The following PKHD1L1 variants were observed in gnomAD, a reference collection of about 807,000 sequenced individuals.
PKHD1L1 encodes the protein fibrocystin-L.
In PKHD1L1, 434 loss-of-function variants were observed where a neutral mutation model predicts 462.9. The observed-to-expected ratio is 0.94, with a 90% CI of 0.87 to 1.02. PKHD1L1 has a LOEUF of 1.02. Ranked by LOEUF, PKHD1L1 falls within the 50% of genes least tolerant of loss-of-function variation. PKHD1L1 has a pLI of 0.00. For missense variants in PKHD1L1, 5,202 were observed against 5,096.1 expected (o/e 1.02, Z -0.63); for synonymous variants, 1,781 against 1,750.0 (o/e 1.02, Z -0.44).
Position 109,427,135 on chromosome 8 carries a change from C to T in PKHD1L1, c.2979C>T (p.Cys993=), listed in dbSNP as rs192890547. The T allele has an allele frequency of 2.1e-4, 346 of 1,613,690 alleles. 1 individual carries two copies. The highest frequency in any genetic ancestry group is 1.5e-4 in the Non-Finnish European group (178 of 1,179,668). Residue 993 remains cysteine (C), a synonymous_variant, in exon 25 of 78, where the codon TGC becomes TGT. Coordinates refer to ENST00000378402, the MANE Select transcript of PKHD1L1 (RefSeq NM_177531.6). ...YAWNIKWRST[C]GKQNLLQIND... ...GGAACATCAAATGGAGAAGCACCTG[C>T]GGAAAGCAGAATCTTCTACAGGTTC...
rs182458132 is a variant in PKHD1L1, at chr8:109,374,921, G to T, written c.164-6449G>T. ...GTGGGTAACCCGATCTTTCTCTCTA[G>T]CTGCCCTTAACATTTTTTCCTTCAT... On this transcript the variant is annotated intron_variant, in intron 2 of 77. Transcript: ENST00000378402. Among the ~76,000 whole-genome samples, 968 of 152,270 alleles carry T rather than the reference G, an allele frequency of 6.4e-3. 7 individuals are homozygous for T. The highest frequency in any genetic ancestry group is 0.051 in the Middle Eastern group (15 of 294).
At chr8:109,433,299 G>T (rs1224706325) in intron 28 of PKHD1L1, 83 bp downstream of exon 28, 12 of 1,126,832 alleles carry the variant, frequency 1.1e-5, no homozygotes, top group African/African-American at 3.1e-5. Flanking sequence ...CAATTATCTT[G>T]ATCGTGTACA....
chr8:109,411,519 A>T (rs2130598564), intron 19 of PKHD1L1, among the ~76,000 whole-genome samples: 1 of 152,326 alleles, frequency 6.6e-6, no homozygotes, highest in South Asian at 2.1e-4. Context: ...TAGTACTAGC[A>T]GCCATGAGGA....
chr8:109,451,224 C>T (rs1279709679), intron 41 of PKHD1L1, 75 bp downstream of exon 41: 20 of 1,437,214 alleles, frequency 1.4e-5, no homozygotes, highest in South Asian at 8.5e-5. Flanking sequence ...CTCCTATGCC[C>T]GGACAGTGCA....
chr8:109,466,791 A>T, intron 50 of PKHD1L1, 22 bp downstream of exon 50: 1 of 1,566,328 alleles, frequency 6.4e-7, no homozygotes. Flanking sequence ...ATATTAGTTT[A>T]AACAACTAAT....
intron 2 of PKHD1L1, among the ~76,000 whole-genome samples, chr8:109,366,754 A>G (rs958870927): frequency 6.8e-6 from 1 of 146,120 alleles, no homozygotes; most frequent in Non-Finnish European, 1.5e-5. Context: ...GTGCAGTGGC[A>G]TGATCTTAGT....
chr8:109,362,738 GACC>G (rs1738776115), intron 1 of PKHD1L1, 85 bp downstream of exon 1: 2 of 1,437,570 alleles, frequency 1.4e-6, no homozygotes, highest in East Asian at 5.0e-5. Flanking sequence ...GGAGAGGCAG[GACC>G]ACCTGGCACC....
chr8:109,498,721 A>G lies in PKHD1L1; in HGVS notation c.10778A>G (p.His3593Arg). Residue 3593 changes from histidine to arginine, a missense_variant, in exon 67 of 78, where the codon CAT (histidine) becomes CGT (arginine). By Grantham distance (29) the His-to-Arg change is conservative. This residue lies in a region of PKHD1L1 where 4,497 missense variants were observed against 4,336.8 expected (regional missense o/e 1.04). Transcript: ENST00000378402. ...CATAACATGGCACCCCGAAAGCCCCATGCAGGAATCATGAGTTACAATGCC... is the reference window on the plus strand; with the variant it reads ...CATAACATGGCACCCCGAAAGCCCCGTGCAGGAATCATGAGTTACAATGCC... ...SAHNMAPRKP[H>R]AGIMSYNAIS... is the part of the protein sequence containing the mutation. 6.2e-7 allele frequency: 1 copy of G among 1,613,998 alleles called. No individual in the cohort carries two copies. Among genetic ancestry groups the G allele is most frequent in the Non-Finnish European group, 8.5e-7 (1 of 1,179,876 alleles).
In PKHD1L1 at chr8:109,420,571, C is replaced by T; in HGVS notation, c.2578C>T (p.His860Tyr). ...AGCAAATAAAGGAATATTCTTAGAG[C>T]ACTTTCAGGTGAATCAGACCAAAAC... ...ALANKGIFLE[H>Y]FQVNQTKTNG... Residue 860 changes from histidine to tyrosine, a missense_variant, in exon 23 of 78, where the codon CAC (histidine) becomes TAC (tyrosine). This residue lies in a region of PKHD1L1 where 4,497 missense variants were observed against 4,336.8 expected (regional missense o/e 1.04). Coordinates refer to ENST00000378402, the MANE Select transcript of PKHD1L1 (RefSeq NM_177531.6). 3.1e-6 allele frequency: 5 copies of T among 1,608,820 alleles called. No individual in the cohort carries two copies. Among genetic ancestry groups the T allele is most frequent in the Non-Finnish European group, 4.2e-6 (5 of 1,177,740 alleles).
chr8:109,465,915 A>G (rs1234875424), intron 49 of PKHD1L1, among the ~76,000 whole-genome samples: 5 of 152,216 alleles, frequency 3.3e-5, no homozygotes, highest in Admixed American at 6.5e-5. Context: ...AGAATTTAGC[A>G]TCTTTACAAA....
At position 109,464,291 on chromosome 8, in the gene PKHD1L1, A is replaced by C; in HGVS notation, c.7459A>C (p.Lys2487Gln). 1 of 1,613,122 alleles carries C rather than the reference A, an allele frequency of 6.2e-7. No homozygotes were observed. Among genetic ancestry groups the C allele is most frequent in the Non-Finnish European group, 8.5e-7 (1 of 1,179,490 alleles). The change falls in exon 49 of 78, where the codon AAA becomes CAA. Residue 2487 changes from lysine (K) to glutamine (Q), a missense_variant. Lys to Gln is a moderately conservative substitution (Grantham distance 53). Transcript: ENST00000378402. ...GCACCTGCTTGGAGACTTACAGTTT[A>C]AATCTTATGTAAGAGGCTGTGCAAT... ...HWHLLGDLQFKSYVRGCAIHQ... is the reference protein window; with the variant it reads ...HWHLLGDLQFQSYVRGCAIHQ...
At chr8:109,394,377 G>A in intron 9 of PKHD1L1, 38 bp from the exon 10 acceptor site, 1 of 1,315,574 alleles carries the variant, frequency 7.6e-7, no homozygotes. Flanking sequence ...CTAAATTAAA[G>A]ATCATTTAAA....
chr8:109,385,665 TCATAAA>T lies in PKHD1L1; in HGVS notation c.569+36_569+41del, dbSNP rs779922116. 6,623 of 1,336,712 alleles carry T rather than the reference TCATAAA, an allele frequency of 5.0e-3. 24 individuals carry two copies. Among genetic ancestry groups the T allele is most frequent in the Non-Finnish European group, 5.9e-3 (5,586 of 949,712 alleles). 82.8% of individuals were successfully genotyped at this position (1,336,712 alleles called of 1,614,324 possible). A position where few individuals can be genotyped will look rare whatever the true frequency, so the allele number is the denominator to read the frequency against. ...TGATGTGGAAATATATTCTTATAACTCATAAATGAGAAGTAATATTATAAAAATAAT... is the reference window on the plus strand; with the variant it reads ...TGATGTGGAAATATATTCTTATAACTTGAGAAGTAATATTATAAAAATAAT... On this transcript the variant is annotated intron_variant, in intron 6 of 77. Transcript: ENST00000378402.
At chr8:109,398,264 A>G (rs1306799492) in intron 11 of PKHD1L1, among the ~76,000 whole-genome samples, 195 bp from the exon 12 acceptor site, 1 of 152,158 alleles carries the variant, frequency 6.6e-6, no homozygotes, top group Non-Finnish European at 1.5e-5. Flanking sequence ...CCAGAAAAAA[A>G]TGTTGCTTTT....
intron 68 of PKHD1L1, among the ~76,000 whole-genome samples, chr8:109,505,981 G>A (rs1017787688): frequency 1.3e-5 from 2 of 152,138 alleles, no homozygotes; most frequent in Non-Finnish European, 2.9e-5. Flanking sequence ...TTGCTTTGCT[G>A]ACAGCCCAAT....
rs900485900 is a variant in PKHD1L1, at chr8:109,528,684, T to A, written c.12722-1396T>A. Among the ~76,000 whole-genome samples, 19 of 152,356 alleles carry A rather than the reference T, an allele frequency of 1.2e-4. No individual in the cohort carries two copies. The South Asian group carries it at 2.7e-3, about 22-fold the overall frequency. On this transcript the variant is annotated intron_variant, in intron 77 of 77. Transcript: ENST00000378402. ...TCCCTTGGTCTCCAATTGCACTTTGTGTTTATATCATTATTATAGTCCTTT... is the reference window on the plus strand; with the variant it reads ...TCCCTTGGTCTCCAATTGCACTTTGAGTTTATATCATTATTATAGTCCTTT...
At position 109,518,412 on chromosome 8, in the gene PKHD1L1, AG is replaced by A; in HGVS notation, c.11936del (p.Arg3979LysfsTer5). ...TGACAAAATCCGTATCAGCAAAATAAGAGGGAAGAGTCTGAGGAGGAAGAGA... is the reference window on the plus strand; with the variant it reads ...TGACAAAATCCGTATCAGCAAAATAAAGGGAAGAGTCTGAGGAGGAAGAGA... Reference protein sequence around the residue: ...PSDKIRISKIRGKSLRRKRSM... With the variant: ...PSDKIRISKIXGKSLRRKRSM... On this transcript the variant is annotated frameshift_variant, in exon 73 of 78. Transcript: ENST00000378402. LOFTEE classifies it high-confidence loss of function. 6.2e-7 allele frequency: 1 copy of A among 1,612,978 alleles called. No homozygotes were observed. The highest frequency in any genetic ancestry group is 8.5e-7 in the Non-Finnish European group (1 of 1,179,586).
chr8:109,473,280 G>T (rs954631526), intron 50 of PKHD1L1, among the ~76,000 whole-genome samples: 1 of 152,158 alleles, frequency 6.6e-6, no homozygotes, highest in Admixed American at 6.5e-5. Context: ...GGGGGGCAAA[G>T]GTGGGCAGAT....
intron 48 of PKHD1L1, among the ~76,000 whole-genome samples, chr8:109,463,903 GGAAAA>G (rs1310204073): frequency 1.3e-5 from 2 of 152,006 alleles, no homozygotes; most frequent in African/African-American, 4.8e-5. Context: ...AAGTAAAAGA[GGAAAA>G]GAAGTCTTTC....
Sources: allele counts gnomAD v4.1 joint callset (sites outside exome capture counted in the v4.1 genomes callset), GRCh38; gene constraint gnomAD v4.1.1; regional missense constraint gnomAD v4.1.1; transcripts MANE v1.5; gene names NCBI Gene and HGNC (gene_info 2026-07-23, HGNC 2026-07-21).